Variants in DLG2 observed in about 807,000 individuals in gnomAD.
The protein encoded by DLG2 is discs large MAGUK scaffold protein 2.
A neutral mutation model predicts 132.5 loss-of-function variants in DLG2; 45 were observed. The observed-to-expected ratio is 0.34, with a 90% CI of 0.27 to 0.44. The LOEUF (loss-of-function observed/expected upper bound fraction) is 0.44. DLG2 is among the 20% of genes least tolerant of loss of function. The pLI, the probability that DLG2 is intolerant of heterozygous loss-of-function variation, is 1.00. For synonymous variants in DLG2, 424 were observed against 419.6 expected, an observed-to-expected ratio of 1.01 and a Z score of -0.13; for missense variants, 1,045 against 1,196.9, an observed-to-expected ratio of 0.87 and a Z score of 1.87.
intron 3 of DLG2, among the ~76,000 whole-genome samples, chr11:85,592,629 A>AG (rs1410443405): frequency 6.6e-6 from 1 of 152,172 alleles, no homozygotes; most frequent in Non-Finnish European, 1.5e-5. Context: ...TTATCCAAAG[A>AG]GAAAAAAATC....
intron 11 of DLG2, among the ~76,000 whole-genome samples, chr11:84,009,580 G>T (rs1292067854): frequency 6.6e-6 from 1 of 151,992 alleles, no homozygotes; most frequent in Non-Finnish European, 1.5e-5. Context: ...TCCTACAAGG[G>T]TGAGCAGAGA....
chr11:84,089,741 T>A (rs545120326), intron 10 of DLG2, among the ~76,000 whole-genome samples: 18 of 152,346 alleles, frequency 1.2e-4, no homozygotes, highest in Admixed American at 4.6e-4. Flanking sequence ...TTCTTTTTTT[T>A]TATATCTTGT....
At chr11:84,387,859 G>A (rs1441808915) in intron 7 of DLG2, among the ~76,000 whole-genome samples, 1 of 152,160 alleles carries the variant, frequency 6.6e-6, no homozygotes, top group Non-Finnish European at 1.5e-5. Flanking sequence ...TCTACATTCT[G>A]ATGAAGTGTC....
chr11:84,712,251 A>G (rs2153773881), intron 6 of DLG2, among the ~76,000 whole-genome samples: 1 of 152,192 alleles, frequency 6.6e-6, no homozygotes, highest in East Asian at 1.9e-4. Flanking sequence ...TTGGTGGCAT[A>G]AAAGTTAACC....
At chr11:84,827,296 T>G (rs2078446862) in intron 6 of DLG2, among the ~76,000 whole-genome samples, 1 of 151,470 alleles carries the variant, frequency 6.6e-6, no homozygotes, top group Non-Finnish European at 1.5e-5. Flanking sequence ...GGACAGTGAT[T>G]ACACAGAGAC....
chr11:84,552,956 T>G (rs531440307), intron 6 of DLG2, among the ~76,000 whole-genome samples: 37 of 152,298 alleles, frequency 2.4e-4, no homozygotes, highest in African/African-American at 8.2e-4. Context: ...AAGTACTATC[T>G]CTTACTGATT....
At chr11:84,577,928 G>A (rs1399315610) in intron 6 of DLG2, among the ~76,000 whole-genome samples, 1 of 152,192 alleles carries the variant, frequency 6.6e-6, no homozygotes, top group African/African-American at 2.4e-5. Flanking sequence ...CCTGTGCTGT[G>A]TGCAGCCTAG....
At chr11:83,511,087 G>GACACACACAC (rs60156321) in intron 21 of DLG2, among the ~76,000 whole-genome samples, 1,651 of 138,546 alleles carry the variant, frequency 0.012, 17 homozygotes, top group East Asian at 0.029. Flanking sequence ...CACACACACA[G>GACACACACAC]ACACACACAC....
chr11:85,381,887 A>C (rs2085923006), intron 3 of DLG2, among the ~76,000 whole-genome samples: 1 of 152,136 alleles, frequency 6.6e-6, no homozygotes, highest in African/African-American at 2.4e-5. Flanking sequence ...ATTAGAACGC[A>C]ATATTGTTAA....
At chr11:85,457,115 T>C (rs1443514792) in intron 3 of DLG2, among the ~76,000 whole-genome samples, 3 of 152,124 alleles carry the variant, frequency 2.0e-5, no homozygotes. Flanking sequence ...GTTAGGTGCA[T>C]ATATATTTAG....
intron 6 of DLG2, among the ~76,000 whole-genome samples, chr11:84,748,721 T>C (rs1276979187): frequency 6.6e-6 from 1 of 152,206 alleles, no homozygotes; most frequent in Non-Finnish European, 1.5e-5. Context: ...GACTGTAAAT[T>C]AAGTCATCTT....
intron 19 of DLG2, among the ~76,000 whole-genome samples, chr11:83,629,972 A>C (rs4480567): frequency 0.25 from 37,464 of 152,066 alleles, 4,926 homozygotes; most frequent in African/African-American, 0.33. Context: ...TACACAATAC[A>C]AGTAGCATAT....
chr11:83,762,381 C>G (rs1205481685), intron 18 of DLG2, among the ~76,000 whole-genome samples: 1 of 152,190 alleles, frequency 6.6e-6, no homozygotes, highest in Non-Finnish European at 1.5e-5. Context: ...ATTCAAGTTA[C>G]AATGGCTTTC....
At chr11:84,862,304 A>T (rs1156823277) in intron 6 of DLG2, among the ~76,000 whole-genome samples, 1 of 152,206 alleles carries the variant, frequency 6.6e-6, no homozygotes, top group Non-Finnish European at 1.5e-5. Context: ...GGTGATCATT[A>T]TAAAGTCAGG....
chr11:83,714,753 T>C (rs1566666026), intron 18 of DLG2, among the ~76,000 whole-genome samples: 1 of 152,222 alleles, frequency 6.6e-6, no homozygotes, highest in Non-Finnish European at 1.5e-5. Flanking sequence ...CTTTAAGTTC[T>C]AGGGTACATG....
At chr11:83,819,817 T>C (rs1306341588) in intron 17 of DLG2, among the ~76,000 whole-genome samples, 2 of 152,180 alleles carry the variant, frequency 1.3e-5, no homozygotes, top group East Asian at 3.9e-4. Flanking sequence ...AGGAGAATTA[T>C]AGGTCAGTCC....
At chr11:83,698,803 T>A (rs539062215) in intron 18 of DLG2, among the ~76,000 whole-genome samples, 92 of 151,458 alleles carry the variant, frequency 6.1e-4, no homozygotes, top group African/African-American at 2.1e-3. Flanking sequence ...CTCTTCCACA[T>A]CCTATGTTAC....
At chr11:83,680,233 TA>T (rs2078531011) in intron 18 of DLG2, among the ~76,000 whole-genome samples, 1 of 152,178 alleles carries the variant, frequency 6.6e-6, no homozygotes. Context: ...TATTTTTCCA[TA>T]AAACCACACT....
intron 3 of DLG2, among the ~76,000 whole-genome samples, chr11:85,538,631 A>G (rs2075766709): frequency 6.6e-6 from 1 of 151,988 alleles, no homozygotes; most frequent in African/African-American, 2.4e-5. Context: ...AAAATGTGGT[A>G]CATATACACC....
Sources: allele counts gnomAD v4.1 joint callset (sites outside exome capture counted in the v4.1 genomes callset), GRCh38; gene constraint gnomAD v4.1.1; transcripts MANE v1.5; gene names NCBI Gene and HGNC (gene_info 2026-07-23, HGNC 2026-07-21).